Variants in RAPGEF5 observed in about 807,000 individuals in gnomAD.
RAPGEF5 encodes M-Ras-regulated GEF.
Under a neutral mutation model 125.2 loss-of-function variants are expected in RAPGEF5, and 65 were observed. That is an observed-to-expected ratio of 0.52 (90% CI 0.43 to 0.64). RAPGEF5 has a LOEUF of 0.64. Among genes scored for constraint, RAPGEF5 ranks in the 30% least tolerant of loss-of-function variants. The pLI, the probability that RAPGEF5 is intolerant of heterozygous loss-of-function variation, is 0.00. For missense variants in RAPGEF5, 958 were observed against 1,048.1 expected, an observed-to-expected ratio of 0.91 and a Z score of 1.19; for synonymous variants, 391 against 385.9, an observed-to-expected ratio of 1.01 and a Z score of -0.16.
At chr7:22,161,397 T>C (rs1057435024) in intron 13 of RAPGEF5, among the ~76,000 whole-genome samples, 3 of 151,830 alleles carry the variant, frequency 2.0e-5, no homozygotes, top group Non-Finnish European at 4.4e-5. Flanking sequence ...ATTAGCTGAG[T>C]GTGGTAGTGC....
At chr7:22,289,242 T>C (rs992830482) in intron 6 of RAPGEF5, among the ~76,000 whole-genome samples, 11 of 152,262 alleles carry the variant, frequency 7.2e-5, no homozygotes, top group African/African-American at 2.4e-4. Context: ...AACCAAATCA[T>C]ACATGTCTTT....
At chr7:22,242,677 C>T (rs1176632272) in intron 7 of RAPGEF5, among the ~76,000 whole-genome samples, 3 of 152,214 alleles carry the variant, frequency 2.0e-5, no homozygotes, top group Middle Eastern at 3.4e-3. Context: ...AATTGCTGGG[C>T]GCGGTGGCTC....
chr7:22,171,344 T>G (rs529534380), intron 11 of RAPGEF5, among the ~76,000 whole-genome samples: 1 of 152,348 alleles, frequency 6.6e-6, no homozygotes, highest in South Asian at 2.1e-4. Context: ...AAAAGCATGT[T>G]TGTATACATA....
At chr7:22,341,425 A>G (rs1438221628) in intron 1 of RAPGEF5, among the ~76,000 whole-genome samples, 1 of 152,102 alleles carries the variant, frequency 6.6e-6, no homozygotes, top group Non-Finnish European at 1.5e-5. Flanking sequence ...GCCCCTCCCA[A>G]ATCTCATGTC....
intron 6 of RAPGEF5, among the ~76,000 whole-genome samples, chr7:22,289,680 C>T (rs1020416861): frequency 1.3e-5 from 2 of 152,166 alleles, no homozygotes; most frequent in African/African-American, 4.8e-5. Context: ...ATGTTTTTTA[C>T]ACCATTGATT....
intron 3 of RAPGEF5, among the ~76,000 whole-genome samples, chr7:22,312,599 C>G (rs1423927369): frequency 1.3e-5 from 2 of 152,178 alleles, no homozygotes; most frequent in Non-Finnish European, 2.9e-5. Flanking sequence ...GAAGAGCTCA[C>G]TCTGTTTTGG....
At chr7:22,272,788 G>T (rs551905445) in intron 6 of RAPGEF5, among the ~76,000 whole-genome samples, 1 of 152,036 alleles carries the variant, frequency 6.6e-6, no homozygotes, top group South Asian at 2.1e-4. Context: ...ACAAGGTTTC[G>T]CTCTGTTGCC....
chr7:22,240,424 T>G (rs753992682), intron 7 of RAPGEF5, among the ~76,000 whole-genome samples: 1 of 151,978 alleles, frequency 6.6e-6, no homozygotes, highest in African/African-American at 2.4e-5. Flanking sequence ...CAGGCTGGCA[T>G]GCAGTGGCGC....
At chr7:22,198,406 G>C (rs1276745205) in intron 9 of RAPGEF5, among the ~76,000 whole-genome samples, 2 of 152,180 alleles carry the variant, frequency 1.3e-5, no homozygotes, top group East Asian at 1.9e-4. Flanking sequence ...GTCAAAGCTA[G>C]GCAAGGAGTT....
At chr7:22,178,273 T>C (rs777429789) in intron 11 of RAPGEF5, among the ~76,000 whole-genome samples, 1 of 152,230 alleles carries the variant, frequency 6.6e-6, no homozygotes, top group Non-Finnish European at 1.5e-5. Flanking sequence ...CCTTTCTAGA[T>C]GAATTCTCTA....
intron 12 of RAPGEF5, among the ~76,000 whole-genome samples, chr7:22,166,602 G>A (rs776024680): frequency 3.3e-5 from 5 of 152,214 alleles, no homozygotes; most frequent in Admixed American, 2.6e-4. Flanking sequence ...GGTTAGGTTC[G>A]ACCTCCCATG....
At chr7:22,248,221 C>T (rs1786528679) in intron 7 of RAPGEF5, among the ~76,000 whole-genome samples, 1 of 152,108 alleles carries the variant, frequency 6.6e-6, no homozygotes, top group Admixed American at 6.5e-5. Flanking sequence ...TAGAGGGGCC[C>T]GGATCATTCC....
At chr7:22,186,648 T>C (rs891537705) in intron 11 of RAPGEF5, among the ~76,000 whole-genome samples, 1 of 152,206 alleles carries the variant, frequency 6.6e-6, no homozygotes, top group African/African-American at 2.4e-5. Context: ...GTCAAAGATA[T>C]TTAAAGGAAT....
intron 5 of RAPGEF5, among the ~76,000 whole-genome samples, chr7:22,292,456 A>C (rs1301577372): frequency 6.6e-6 from 1 of 152,262 alleles, no homozygotes; most frequent in Non-Finnish European, 1.5e-5. Flanking sequence ...CTCATGCAGC[A>C]AAGTGTTTGA....
intron 9 of RAPGEF5, chr7:22,194,884 A>G (rs1341494923): frequency 2.6e-6 from 1 of 385,820 alleles, no homozygotes; most frequent in Non-Finnish European, 3.5e-6. Flanking sequence ...ACTCGGAGCC[A>G]TGAACACTTC....
intron 1 of RAPGEF5, among the ~76,000 whole-genome samples, chr7:22,349,200 G>T (rs1224134256): frequency 1.3e-5 from 2 of 151,652 alleles, no homozygotes; most frequent in Non-Finnish European, 2.9e-5. Flanking sequence ...GAGGCAGGCG[G>T]ATCACTTGAG....
chr7:22,194,473 A>G (rs1270868153), intron 9 of RAPGEF5: 1 of 616,920 alleles, frequency 1.6e-6, no homozygotes, highest in African/African-American at 2.0e-5. Context: ...ACATTAAGAC[A>G]ATGAGTAAGC....
intron 17 of RAPGEF5, among the ~76,000 whole-genome samples, chr7:22,153,997 A>AAT (rs1783716794): frequency 6.6e-6 from 1 of 152,214 alleles, no homozygotes; most frequent in Non-Finnish European, 1.5e-5. Context: ...CACCTAAAGG[A>AAT]ATATTGCCGT....
intron 24 of RAPGEF5, among the ~76,000 whole-genome samples, chr7:22,126,401 T>C (rs1782747077): frequency 6.6e-6 from 1 of 152,208 alleles, no homozygotes. Context: ...TGGCTTTGTG[T>C]CACTGTCATT....
Sources: allele counts gnomAD v4.1 joint callset (sites outside exome capture counted in the v4.1 genomes callset), GRCh38; gene constraint gnomAD v4.1.1; transcripts MANE v1.5; gene names NCBI Gene and HGNC (gene_info 2026-07-23, HGNC 2026-07-21).